CD36: variants seen among roughly 807,000 people sequenced by gnomAD.
The protein encoded by CD36 is CD36 molecule (CD36 blood group).
In CD36, 119 loss-of-function variants were observed where a neutral mutation model predicts 55.2. The ratio of observed to expected loss-of-function variants is 2.15; its 90% CI spans 1.86 to 2.51. CD36 has a LOEUF of 2.51. Among genes scored for constraint, CD36 ranks in the 30% most tolerant of loss-of-function variants. The probability of loss-of-function intolerance (pLI) is 0.00; values close to 1 mark genes in which losing one functional copy is unlikely to be tolerated. For missense variants in CD36, 819 were observed against 555.5 expected (o/e 1.47, Z -4.77); for synonymous variants, 186 against 193.6 (o/e 0.96, Z 0.33).
At chr7:80,603,203 T>C (rs1234597781) in intron 1 of CD36, among the ~76,000 whole-genome samples, 1 of 152,158 alleles carries the variant, frequency 6.6e-6, no homozygotes, top group African/African-American at 2.4e-5. Context: ...ACTTAAGTTA[T>C]GCATATTTCG....
In CD36 at chr7:80,676,686, T is replaced by C. The variant is rs941082366; in HGVS notation, c.*303T>C. 2.6e-5 allele frequency: 4 copies of C among 152,240 alleles called. No homozygotes were observed. Among genetic ancestry groups the C allele is most frequent in the African/African-American group, 4.8e-5 (2 of 41,468 alleles). 9.4% of individuals were successfully genotyped at this position (152,240 alleles called of 1,614,324 possible). On this transcript the variant is annotated 3_prime_UTR_variant, in exon 15 of 15. Coordinates refer to ENST00000447544, the MANE Select transcript of CD36 (RefSeq NM_001001548.3). ...ACAGCAGGTATAACTCTTTTCTTTA[T>C]GGGCTTAAATATTTTGTCACTGATC... is the stretch of plus-strand genomic sequence containing the variant.
In CD36 at chr7:80,670,139, C is replaced by T. The variant is rs191507358; in HGVS notation, c.818+117C>T. On this transcript the variant is annotated intron_variant, in intron 9 of 14. Coordinates refer to ENST00000447544, the MANE Select transcript of CD36 (RefSeq NM_001001548.3). ...ATCATGTTTATTAACTAACTCTTTG[C>T]AAAATGTTCTTCTGCATCTTCCAAT... 12 of 738,322 alleles carry T rather than the reference C, an allele frequency of 1.6e-5. No homozygotes were observed. The East Asian group carries it at 3.0e-4, about 19-fold the overall frequency. 45.7% of individuals were successfully genotyped at this position (738,322 alleles called of 1,614,324 possible).
intron 1 of CD36, among the ~76,000 whole-genome samples, chr7:80,626,597 TAATA>T (rs1793754481): frequency 6.6e-6 from 1 of 151,908 alleles, no homozygotes; most frequent in Admixed American, 6.6e-5. Context: ...TAGTATAATT[TAATA>T]ATTTTGTTTT....
chr7:80,674,951 C>T (rs921300318), intron 14 of CD36, among the ~76,000 whole-genome samples: 1 of 152,080 alleles, frequency 6.6e-6, no homozygotes, highest in Non-Finnish European at 1.5e-5. Context: ...TTTCCAATAG[C>T]CTGGATTCAT....
At chr7:80,665,234 A>C (rs1796957461) in intron 7 of CD36, among the ~76,000 whole-genome samples, 1 of 152,060 alleles carries the variant, frequency 6.6e-6, no homozygotes, top group Admixed American at 6.6e-5. Context: ...ATTCACCTAA[A>C]GAATTTATAA....
rs117700183 is a variant in CD36, at chr7:80,627,860, G to A, written c.-183-18228G>A. On this transcript the variant is annotated intron_variant, in intron 1 of 13. Coordinates refer to the CD36 transcript ENST00000309881. The stretch of plus-strand genomic sequence containing the variant: ...ATATTTGGGAAAAGCTCATTGTGTA[G>A]AAGCATGTCATTCATTCTTGTATTA... Among the ~76,000 whole-genome samples the A allele has an allele frequency of 7.0e-4, 107 of 152,110 alleles. 1 individual carries two copies. The highest frequency in any genetic ancestry group is 2.4e-3 in the Admixed American group (37 of 15,260).
At chr7:80,664,687 G>C (rs1004583393) in intron 7 of CD36, among the ~76,000 whole-genome samples, 190 bp downstream of exon 7, 18 of 152,054 alleles carry the variant, frequency 1.2e-4, no homozygotes, top group African/African-American at 4.1e-4. Context: ...TCACACCAGT[G>C]CATAGCTGCT....
intron 13 of CD36, 197 bp from the exon 14 acceptor site, chr7:80,673,786 T>C (rs934471820): frequency 8.2e-6 from 5 of 607,412 alleles, no homozygotes; most frequent in Admixed American, 2.8e-5. Flanking sequence ...TGAATCCTAG[T>C]ACATTGAAGA....
intron 1 of CD36, among the ~76,000 whole-genome samples, chr7:80,615,605 T>A (rs140545402): frequency 7.6e-4 from 116 of 152,340 alleles, no homozygotes; most frequent in African/African-American, 2.5e-3. Context: ...CATATTTTAT[T>A]CATCTTTGCA....
chr7:80,666,406 A>G, intron 7 of CD36, 37 bp from the exon 8 acceptor site: 1 of 1,375,296 alleles, frequency 7.3e-7, no homozygotes, highest in Non-Finnish European at 1.0e-6. Flanking sequence ...TATTCTTTAA[A>G]TAAGAATGTT....
At chr7:80,616,794 C>T (rs1358917247) in intron 1 of CD36, among the ~76,000 whole-genome samples, 1 of 152,120 alleles carries the variant, frequency 6.6e-6, no homozygotes, top group Non-Finnish European at 1.5e-5. Context: ...TACTGTTACC[C>T]TACAAGTGCA....
rs950742356 is a variant in CD36 at position 80,678,169 on chromosome 7, C to T, written c.*1786C>T. On this transcript the variant is annotated 3_prime_UTR_variant, in exon 15 of 15. Transcript: ENST00000447544. ...CTTGGGGAATATGTTACATGTGTGACTTTGTTTTGCCCTGGCGAAGTTAAT... is the reference window on the plus strand; with the variant it reads ...CTTGGGGAATATGTTACATGTGTGATTTTGTTTTGCCCTGGCGAAGTTAAT... The T allele has an allele frequency of 4.0e-5, 6 of 151,534 alleles. No individual in the cohort carries two copies. Among genetic ancestry groups the T allele is most frequent in the African/African-American group, 1.5e-4 (6 of 41,174 alleles). 9.4% of individuals were successfully genotyped at this position (151,534 alleles called of 1,614,324 possible).
chr7:80,637,230 T>A (rs546030477), upstream of CD36, among the ~76,000 whole-genome samples: 1 of 152,118 alleles, frequency 6.6e-6, no homozygotes, highest in South Asian at 2.1e-4. Context: ...TTAGCTTAAA[T>A]ACAAAACAGC....
chr7:80,644,175 G>T (rs1463015222), intron 1 of CD36, among the ~76,000 whole-genome samples: 1 of 152,186 alleles, frequency 6.6e-6, no homozygotes, highest in Non-Finnish European at 1.5e-5. Context: ...CATTAGGACA[G>T]CCATGGACAA....
At chr7:80,647,533 C>A (rs1795263369) in intron 3 of CD36, among the ~76,000 whole-genome samples, 1 of 152,120 alleles carries the variant, frequency 6.6e-6, no homozygotes, top group Non-Finnish European at 1.5e-5. Flanking sequence ...CTTTGCACAA[C>A]AACCTAGAAT....
intron 1 of CD36, among the ~76,000 whole-genome samples, chr7:80,619,977 GA>G (rs1793370807): frequency 6.6e-6 from 1 of 152,276 alleles, no homozygotes; most frequent in East Asian, 1.9e-4. Flanking sequence ...AAACTTCAGT[GA>G]AGGAGAAGTA....
At position 80,663,115 on chromosome 7, in the gene CD36, A is replaced by AT. The variant is rs770779882; in HGVS notation, c.560dup (p.Leu187PhefsTer27). 12 of 1,613,818 alleles carry AT rather than the reference A, an allele frequency of 7.4e-6. No homozygotes were observed. The East Asian group carries it at 2.7e-4, about 36-fold the overall frequency. On this transcript the variant is annotated frameshift_variant, in exon 6 of 15. Coordinates refer to ENST00000447544, the MANE Select transcript of CD36 (RefSeq NM_001001548.3). LOFTEE classifies it high-confidence loss of function. ...AACTGTTATGGGGCTATAGGGATCC[A>AT]TTTTTGAGTTTGGTTCCGTACCCTG... is the stretch of plus-strand genomic sequence containing the variant.
chr7:80,615,265 G>A lies in CD36; in HGVS notation c.-184+12886G>A, dbSNP rs151311919. ...TGTGACCTTTTAAAAGTACAAACTC[G>A]TATCCTGTCACTCCTCCAACTTATA... On this transcript the variant is annotated intron_variant, in intron 1 of 13. Transcript: ENST00000309881. 7.0e-3 allele frequency among the ~76,000 whole-genome samples: 1,066 copies of A among 152,148 alleles called. 15 individuals carry two copies. The highest frequency in any genetic ancestry group is 0.024 in the African/African-American group (993 of 41,476).
chr7:80,611,653 A>G (rs951405046), intron 1 of CD36, among the ~76,000 whole-genome samples: 3 of 152,040 alleles, frequency 2.0e-5, no homozygotes, highest in South Asian at 4.1e-4. Flanking sequence ...GGAAAAATCT[A>G]TTCTAGAATT....
Sources: gnomAD v4.1 joint callset for allele counts (sites outside exome capture counted in the v4.1 genomes callset) on GRCh38, gnomAD v4.1.1 for gene constraint, MANE v1.5 for transcripts, NCBI Gene and HGNC (gene_info 2026-07-23, HGNC 2026-07-21) for gene names.